The following MECOM variants were observed in gnomAD, a reference collection of about 807,000 sequenced individuals.
MECOM encodes MDS1 and EVI1 complex locus, also known as histone-lysine N-methyltransferase MECOM.
In MECOM, 13 loss-of-function variants were observed where a neutral mutation model predicts 116.3. The observed-to-expected ratio is 0.11, with a 90% CI of 0.07 to 0.18. The LOEUF is 0.18. MECOM is among the 10% of genes least tolerant of loss of function. The probability of loss-of-function intolerance (pLI) is 1.00; values close to 1 mark genes in which losing one functional copy is unlikely to be tolerated. For synonymous variants in MECOM, 528 were observed against 535.2 expected (o/e 0.99, Z 0.19); for missense variants, 1,299 against 1,509.0 (o/e 0.86, Z 2.31).
chr3:169,605,702 G>T (rs1485711857), intron 1 of MECOM, among the ~76,000 whole-genome samples: 1 of 152,174 alleles, frequency 6.6e-6, no homozygotes, highest in Non-Finnish European at 1.5e-5. Flanking sequence ...GCCCTGAGTT[G>T]CCTATAGGCT....
intron 2 of MECOM, among the ~76,000 whole-genome samples, chr3:169,241,653 T>C (rs1754827015): frequency 6.6e-6 from 1 of 152,218 alleles, no homozygotes; most frequent in African/African-American, 2.4e-5. Flanking sequence ...TGATCACTTA[T>C]TTGAAATTTC....
chr3:169,648,267 A>G (rs1239738653), intron 1 of MECOM, among the ~76,000 whole-genome samples: 1 of 152,164 alleles, frequency 6.6e-6, no homozygotes, highest in East Asian at 1.9e-4. Context: ...TGAAGATAAA[A>G]CCTTGGTGAC....
intron 1 of MECOM, among the ~76,000 whole-genome samples, chr3:169,499,618 G>GA (rs11423483): frequency 0.49 from 73,028 of 150,050 alleles, 18,770 homozygotes; most frequent in African/African-American, 0.68. Context: ...CGACCAGGGG[G>GA]AAAAAAAAAG....
intron 1 of MECOM, among the ~76,000 whole-genome samples, chr3:169,463,748 T>A (rs1349998656): frequency 6.6e-6 from 1 of 152,086 alleles, no homozygotes; most frequent in Non-Finnish European, 1.5e-5. Flanking sequence ...CAATTGCCAT[T>A]GGATTTGGGA....
At chr3:169,539,643 T>A (rs1054161235) in intron 1 of MECOM, among the ~76,000 whole-genome samples, 2 of 152,194 alleles carry the variant, frequency 1.3e-5, no homozygotes, top group Admixed American at 1.3e-4. Flanking sequence ...CAAAGACTAT[T>A]CTCTTTGGAT....
chr3:169,474,766 C>T (rs1750086806), intron 1 of MECOM, among the ~76,000 whole-genome samples: 1 of 151,926 alleles, frequency 6.6e-6, no homozygotes, highest in South Asian at 2.1e-4. Flanking sequence ...AATATTTGCC[C>T]CCAGAATGAT....
intron 1 of MECOM, chr3:169,473,010 A>G: frequency 1.0e-6 from 1 of 979,498 alleles, no homozygotes; most frequent in Non-Finnish European, 1.2e-6. Context: ...AATGTCAAAG[A>G]TTTTTAAATC....
At chr3:169,109,781 A>G (rs1726732661) in intron 9 of MECOM, among the ~76,000 whole-genome samples, 1 of 152,218 alleles carries the variant, frequency 6.6e-6, no homozygotes, top group African/African-American at 2.4e-5. Context: ...AATATAGCCT[A>G]ATAATCTTTC....
chr3:169,436,734 T>C (rs1318703772), intron 1 of MECOM, among the ~76,000 whole-genome samples: 1 of 152,192 alleles, frequency 6.6e-6, no homozygotes, highest in Non-Finnish European at 1.5e-5. Flanking sequence ...AACTATGTGT[T>C]AGACTGACTG....
At chr3:169,101,812 T>C (rs1254693238) in intron 11 of MECOM, among the ~76,000 whole-genome samples, 1 of 152,234 alleles carries the variant, frequency 6.6e-6, no homozygotes, top group Non-Finnish European at 1.5e-5. Flanking sequence ...GACAAGTAGA[T>C]AGTATTTGGA....
At chr3:169,582,325 A>C (rs1344556) in intron 1 of MECOM, among the ~76,000 whole-genome samples, 52,945 of 151,786 alleles carry the variant, frequency 0.35, 9,437 homozygotes, top group Middle Eastern at 0.43. Context: ...AAGAGAATAA[A>C]TGTAGAAAGA....
intron 1 of MECOM, among the ~76,000 whole-genome samples, chr3:169,485,946 TATATATGTAC>T (rs1752197488): frequency 1.2e-5 from 1 of 86,790 alleles, no homozygotes; most frequent in African/African-American, 4.9e-5. Context: ...TATATGTATG[TATATATGTAC>T]ATATATACTA....
intron 2 of MECOM, among the ~76,000 whole-genome samples, chr3:169,168,595 T>C (rs370686575): frequency 4.6e-4 from 70 of 152,240 alleles, no homozygotes; most frequent in African/African-American, 1.5e-3. Context: ...AAGTTCTATA[T>C]GACTCTACAT....
intron 1 of MECOM, among the ~76,000 whole-genome samples, chr3:169,396,634 A>G (rs543780163): frequency 5.8e-4 from 89 of 152,202 alleles, no homozygotes; most frequent in Non-Finnish European, 1.1e-3. Context: ...TTGTATTTCC[A>G]TAAGACAACA....
chr3:169,403,026 T>C (rs533708047), intron 1 of MECOM, among the ~76,000 whole-genome samples: 1 of 152,320 alleles, frequency 6.6e-6, no homozygotes, highest in South Asian at 2.1e-4. Flanking sequence ...AGAAAAAAAG[T>C]GGCTTAATGT....
chr3:169,600,593 T>C (rs762079595), intron 1 of MECOM, among the ~76,000 whole-genome samples: 5 of 152,196 alleles, frequency 3.3e-5, no homozygotes, highest in Non-Finnish European at 5.9e-5. Flanking sequence ...GGCTTAGAAA[T>C]TGGTAGACTC....
chr3:169,320,268 A>G (rs1361461916), intron 2 of MECOM, among the ~76,000 whole-genome samples: 1 of 152,200 alleles, frequency 6.6e-6, no homozygotes, highest in African/African-American at 2.4e-5. Context: ...TCCAAACCAG[A>G]TGTTTTTGAG....
intron 1 of MECOM, among the ~76,000 whole-genome samples, chr3:169,657,291 G>A (rs925404741): frequency 6.6e-6 from 1 of 152,120 alleles, no homozygotes; most frequent in Non-Finnish European, 1.5e-5. Flanking sequence ...TCGCTATCAC[G>A]ATCCCTCTAG....
At chr3:169,482,122 C>A (rs1751378808) in intron 1 of MECOM, among the ~76,000 whole-genome samples, 1 of 151,896 alleles carries the variant, frequency 6.6e-6, no homozygotes, top group Non-Finnish European at 1.5e-5. Context: ...ATAACAGTTT[C>A]TTTTACCTCC....
Sources: allele counts gnomAD v4.1 joint callset (sites outside exome capture counted in the v4.1 genomes callset), GRCh38; gene constraint gnomAD v4.1.1; transcripts MANE v1.5; gene names NCBI Gene and HGNC (gene_info 2026-07-23, HGNC 2026-07-21).